RAB11FIP3: variants seen among roughly 807,000 people sequenced by gnomAD.
RAB11FIP3 encodes the protein rab11 family-interacting protein 3.
RAB11FIP3 carries 17 observed loss-of-function variants against 77.8 expected under a neutral mutation model. That is an observed-to-expected ratio of 0.22 (90% confidence interval 0.15 to 0.33). The LOEUF (loss-of-function observed/expected upper bound fraction) is 0.33, where lower values mean the gene tolerates loss of function less well. Ranked by LOEUF, RAB11FIP3 falls within the 10% of genes least tolerant of loss-of-function variation. The pLI is 1.00. For synonymous variants in RAB11FIP3, 437 were observed against 448.2 expected (o/e 0.98, Z 0.31); for missense variants, 1,005 against 1,011.2 (o/e 0.99, Z 0.08).
intron 1 of RAB11FIP3, among the ~76,000 whole-genome samples, chr16:458,631 C>A (rs1203702011): frequency 1.5e-5 from 1 of 67,218 alleles, no homozygotes; most frequent in African/African-American, 4.9e-5. Context: ...TCTGCCGTAA[C>A]CTGCCTGAGG....
In RAB11FIP3 at chr16:487,153, C is replaced by T. The variant is rs1314903560; in HGVS notation, c.1116-1698C>T. Among the ~76,000 whole-genome samples the T allele has an allele frequency of 7.3e-5, 10 of 136,594 alleles. No individual in the cohort carries two copies. The East Asian group carries it at 8.5e-4, about 12-fold the overall frequency. The allele number at this position is 136,594 out of a possible 152,430, so 89.6% of individuals were successfully genotyped here. Reference sequence around the variant, plus strand: ...TTTCTTTTTTTTTTTTTTTTTGAGACGGAATCTGGCTCTGTCGCCCAGGCT... The same window carrying T: ...TTTCTTTTTTTTTTTTTTTTTGAGATGGAATCTGGCTCTGTCGCCCAGGCT... On this transcript the variant is annotated intron_variant, in intron 4 of 13. Transcript: ENST00000262305.
intron 3 of RAB11FIP3, among the ~76,000 whole-genome samples, chr16:481,520 AC>A (rs1014927570): frequency 1.2e-4 from 18 of 151,854 alleles, no homozygotes; most frequent in Middle Eastern, 6.8e-3. Context: ...TCAAAAAAAA[AC>A]CCCCAAAAAA....
intron 5 of RAB11FIP3, among the ~76,000 whole-genome samples, chr16:494,095 G>T (rs2030878836): frequency 2.9e-5 from 1 of 34,708 alleles, no homozygotes; most frequent in African/African-American, 2.3e-4. Flanking sequence ...GTAGACACAG[G>T]GTTTCACCAT....
intron 12 of RAB11FIP3, 56 bp from the exon 13 acceptor site, chr16:520,403 C>G (rs2032629998): frequency 1.2e-6 from 2 of 1,604,622 alleles, no homozygotes; most frequent in Non-Finnish European, 1.7e-6. Context: ...AGTCCTTGTC[C>G]CTGCTCAGCC....
At chr16:443,256 T>C (rs2055255922) in intron 1 of RAB11FIP3, among the ~76,000 whole-genome samples, 1 of 152,170 alleles carries the variant, frequency 6.6e-6, no homozygotes, top group East Asian at 1.9e-4. Context: ...GAACCTGCTC[T>C]TGTTGGCTTG....
rs535407020 is a variant in RAB11FIP3 at position 514,667 on chromosome 16, G to C, written c.1640+3867G>C. 2.1e-3 allele frequency among the ~76,000 whole-genome samples: 327 copies of C among 152,350 alleles called. 5 individuals are homozygous for C. Among genetic ancestry groups the C allele is most frequent in the African/African-American group, 7.6e-3 (314 of 41,580 alleles). The stretch of plus-strand genomic sequence containing the variant: ...GCAGAGATCTGAATCTCAGGACACA[G>C]GGCCCGGGAGAGGTTCTAGGAAAGG... On this transcript the variant is annotated intron_variant, in intron 9 of 13. Coordinates refer to ENST00000262305, the MANE Select transcript of RAB11FIP3 (RefSeq NM_014700.4). The surrounding 1 kb of genome is among the most constrained non-coding windows in gnomAD (Gnocchi z 4.6).
At chr16:477,500 C>T (rs891894291) in intron 3 of RAB11FIP3, 48 of 400,552 alleles carry the variant, frequency 1.2e-4, no homozygotes, top group Non-Finnish European at 1.6e-4. Flanking sequence ...GCCTTCCCCA[C>T]AGGCCCAGCC....
At chr16:497,229 G>GT (rs2141836269) in intron 6 of RAB11FIP3, 1 of 1,287,942 alleles carries the variant, frequency 7.8e-7, no homozygotes, top group African/African-American at 1.5e-5. Context: ...GCTCCCCAAG[G>GT]TGAGTCGAAG....
chr16:492,819 GA>G (rs1381825531), intron 5 of RAB11FIP3, among the ~76,000 whole-genome samples: 1 of 152,126 alleles, frequency 6.6e-6, no homozygotes, highest in Non-Finnish European at 1.5e-5. Context: ...CCCACATTGA[GA>G]ACTAGCTCCA....
Position 432,750 on chromosome 16 carries a change from C to T in RAB11FIP3, c.714+6030C>T, listed in dbSNP as rs559377250. Among the ~76,000 whole-genome samples, 8 of 151,276 alleles carry T rather than the reference C, an allele frequency of 5.3e-5. No homozygotes were observed. The East Asian group carries it at 1.2e-3, about 22-fold the overall frequency. The stretch of plus-strand genomic sequence containing the variant: ...TCAGCCACTTAGCTGGGATTACAGG[C>T]GCCTGCCACCACTCCGGCTAAATTT... On this transcript the variant is annotated intron_variant, in intron 1 of 13. Transcript: ENST00000262305.
At chr16:433,340 C>G (rs965401787) in intron 1 of RAB11FIP3, among the ~76,000 whole-genome samples, 1 of 146,170 alleles carries the variant, frequency 6.8e-6, no homozygotes, top group Non-Finnish European at 1.5e-5. Context: ...ATATTTCTAA[C>G]CATTAACCGT....
chr16:447,258 T>C (rs993520447), intron 1 of RAB11FIP3, among the ~76,000 whole-genome samples: 21 of 152,068 alleles, frequency 1.4e-4, no homozygotes, highest in African/African-American at 5.1e-4. Context: ...TGAGCTATGA[T>C]TGTGCCAGTG....
At chr16:513,259 G>A (rs933957529) in intron 9 of RAB11FIP3, among the ~76,000 whole-genome samples, 6 of 151,770 alleles carry the variant, frequency 4.0e-5, no homozygotes, top group African/African-American at 1.2e-4. Flanking sequence ...CTTGCTCTGT[G>A]CCCCTGGCTG....
At chr16:452,528 C>T (rs1373966699) in intron 1 of RAB11FIP3, 1 of 148,822 alleles carries the variant, frequency 6.7e-6, no homozygotes, top group African/African-American at 2.5e-5. Flanking sequence ...TCCGCCTCCC[C>T]TGTTCACGCC....
chr16:520,492 C>G lies in RAB11FIP3; in HGVS notation c.2050C>G (p.Leu684Val). The G allele has an allele frequency of 6.2e-7, 1 of 1,613,686 alleles. No individual in the cohort carries two copies. The highest frequency in any genetic ancestry group is 1.3e-5 in the African/African-American group (1 of 75,054). ...CAACCTGAAGGAGCAGAACGAGGAG[C>G]TGAACGGGCAGATCATTACCCTCAG... is the stretch of plus-strand genomic sequence containing the variant. The part of the protein sequence containing the change: ...NRNLKEQNEE[L>V]NGQIITLSIQ... The change falls in exon 13 of 14, where the codon CTG becomes GTG. Residue 684 changes from leucine (L) to valine (V), a missense_variant. Leu to Val is a conservative substitution (Grantham distance 32). Coordinates refer to ENST00000262305, the MANE Select transcript of RAB11FIP3 (RefSeq NM_014700.4).
At chr16:428,340 G>A (rs773398300) in intron 1 of RAB11FIP3, among the ~76,000 whole-genome samples, 1 of 152,148 alleles carries the variant, frequency 6.6e-6, no homozygotes, top group Admixed American at 6.5e-5. Context: ...TGGTCCAGGT[G>A]TTTTGCTGCG....
chr16:488,115 T>C (rs1016592407), intron 4 of RAB11FIP3, among the ~76,000 whole-genome samples: 2 of 152,144 alleles, frequency 1.3e-5, no homozygotes, highest in African/African-American at 4.8e-5. Context: ...GCGTGGTGGC[T>C]CACGCCTGTA....
chr16:511,369 A>C (rs1291356077), intron 9 of RAB11FIP3, among the ~76,000 whole-genome samples: 206 of 66,066 alleles, frequency 3.1e-3, no homozygotes, highest in Middle Eastern at 0.017. Context: ...CACCCCAGAA[A>C]CTGCAGGCCA....
In RAB11FIP3 at chr16:426,228, G is replaced by A. The variant is rs1049429544; in HGVS notation, c.222G>A (p.Pro74=). 134 of 1,042,570 alleles carry A rather than the reference G, an allele frequency of 1.3e-4. No individual in the cohort carries two copies. The Middle Eastern group carries it at 2.7e-3, about 21-fold the overall frequency. 64.6% of individuals were successfully genotyped at this position (1,042,570 alleles called of 1,614,324 possible). A position where few individuals can be genotyped will look rare whatever the true frequency, so the allele number is the denominator to read the frequency against. ...ADGGARWSAG[P]APGLEGGPRD... The stretch of plus-strand genomic sequence containing the variant: ...GCGGGGCGCGTTGGAGCGCCGGGCC[G>A]GCCCCGGGGCTGGAGGGAGGCCCGC... Residue 74 remains proline, a synonymous_variant, in exon 1 of 14, where the codon CCG becomes CCA. Coordinates refer to ENST00000262305, the MANE Select transcript of RAB11FIP3 (RefSeq NM_014700.4). The surrounding 1 kb of genome is among the most constrained non-coding windows in gnomAD (Gnocchi z 5.0).
Sources: gnomAD v4.1 joint callset for allele counts (sites outside exome capture counted in the v4.1 genomes callset) on GRCh38, gnomAD v4.1.1 for gene constraint, Gnocchi (gnomAD v3.1) non-coding constraint, MANE v1.5 for transcripts, NCBI Gene and HGNC (gene_info 2026-07-23, HGNC 2026-07-21) for gene names.